PAX5: variants seen among roughly 807,000 people sequenced by gnomAD.
PAX5 encodes paired box protein Pax-5.
A neutral mutation model predicts 43.7 loss-of-function variants in PAX5; 9 were observed. That is an observed-to-expected ratio of 0.21 (90% CI 0.12 to 0.36). The LOEUF is 0.36. PAX5 is among the 10% of genes least tolerant of loss of function. PAX5 has a pLI of 1.00. For synonymous variants in PAX5, 228 were observed against 214.3 expected (o/e 1.06, Z -0.56); for missense variants, 383 against 532.7 (o/e 0.72, Z 2.77).
chr9:37,021,483 A>C (rs1028882524), intron 1 of PAX5, among the ~76,000 whole-genome samples: 10 of 152,216 alleles, frequency 6.6e-5, no homozygotes, highest in Non-Finnish European at 1.5e-4. Flanking sequence ...TACACACAGC[A>C]CATTCCACTC....
Position 36,833,861 on chromosome 9 carries a change from ATTTTTTTGTATTTT to A in PAX5, c.*6685_*6698del, listed in dbSNP as rs1423940000. ...TGGTTTTTGTTGTTGGTTTTTTTGT[ATTTTTTTGTATTTT>A]TTTTTTTTTACAAGTAAGCGTCTAT... On this transcript the variant is annotated 3_prime_UTR_variant, in exon 10 of 10. Transcript: ENST00000358127. 5.7e-6 allele frequency: 1 copy of A among 174,186 alleles called. No individual in the cohort carries two copies. Among genetic ancestry groups the A allele is most frequent in the Non-Finnish European group, 1.0e-5 (1 of 96,126 alleles). The allele number at this position is 174,186 out of a possible 1,614,324, so 10.8% of individuals were successfully genotyped here.
Position 36,840,448 on chromosome 9 carries a change from G to C in PAX5, c.*112C>G. 9.6e-7 allele frequency: 1 copy of C among 1,037,798 alleles called. No homozygotes were observed. The highest frequency in any genetic ancestry group is 1.4e-6 in the Non-Finnish European group (1 of 689,662). The allele number at this position is 1,037,798 out of a possible 1,614,324, so 64.3% of individuals were successfully genotyped here. On this transcript the variant is annotated 3_prime_UTR_variant, in exon 10 of 10. Transcript: ENST00000358127. ...AGGAAGAGGGGAGCTTCAGGCAAGT[G>C]GGGGATGCTGGGGGACGGTCTCATG...
At chr9:36,990,045 G>A (rs1445750249) in intron 5 of PAX5, among the ~76,000 whole-genome samples, 1 of 152,162 alleles carries the variant, frequency 6.6e-6, no homozygotes, top group African/African-American at 2.4e-5. Flanking sequence ...CCTCACTTAG[G>A]AAGTGACACA....
At chr9:37,021,659 C>T (rs368565683) in intron 1 of PAX5, among the ~76,000 whole-genome samples, 18 of 152,244 alleles carry the variant, frequency 1.2e-4, no homozygotes, top group Middle Eastern at 3.4e-3. Context: ...AAAAGGAGCC[C>T]GAGAAAGTGC....
chr9:37,029,127 T>G (rs1467014526), intron 1 of PAX5, among the ~76,000 whole-genome samples: 1 of 152,150 alleles, frequency 6.6e-6, no homozygotes, highest in Non-Finnish European at 1.5e-5. Flanking sequence ...TAAACATAAA[T>G]CCACAAAACA....
rs781448749 is a variant in PAX5, at chr9:36,835,650, C to G, written c.*4910G>C. On this transcript the variant is annotated 3_prime_UTR_variant, in exon 10 of 10. Transcript: ENST00000358127. ...AACTTTCCAATAATGCATTTTATTA[C>G]CTTTTAAGAAATGTACTTGCCTCGG... 3.4e-5 allele frequency: 8 copies of G among 233,156 alleles called. No individual in the cohort carries two copies. Among genetic ancestry groups the G allele is most frequent in the Non-Finnish European group, 6.8e-5 (8 of 118,028 alleles). The allele number at this position is 233,156 out of a possible 1,614,324, so 14.4% of individuals were successfully genotyped here. A position where few individuals can be genotyped will look rare whatever the true frequency, so the allele number is the denominator to read the frequency against.
intron 1 of PAX5, among the ~76,000 whole-genome samples, chr9:37,024,442 G>A (rs1396215485): frequency 1.3e-5 from 2 of 152,190 alleles, no homozygotes; most frequent in Non-Finnish European, 2.9e-5. Context: ...AGGTGACGAA[G>A]TGGGACTTGA....
At chr9:36,991,182 A>T (rs949667849) in intron 5 of PAX5, among the ~76,000 whole-genome samples, 19 of 152,282 alleles carry the variant, frequency 1.2e-4, no homozygotes, top group African/African-American at 3.9e-4. Context: ...AGCACCAAAA[A>T]GATTTCAAAA....
At chr9:36,940,863 C>T (rs753851500) in intron 6 of PAX5, among the ~76,000 whole-genome samples, 10 of 152,004 alleles carry the variant, frequency 6.6e-5, no homozygotes, top group South Asian at 2.1e-4. Flanking sequence ...GGCAGGTACT[C>T]GGAAAATATC....
chr9:36,966,706 A>G lies in PAX5; in HGVS notation c.623T>C (p.Val208Ala). The change falls in exon 6 of 10, where the codon GTG (valine) becomes GCG (alanine). Residue 208 changes from valine (V) to alanine (A), a missense_variant. Around this residue, in one of 5 missense-constraint regions of PAX5, gnomAD observed 291 missense variants for 342.5 expected, o/e 0.85. Transcript: ENST00000358127. ...KRDEGIQESP[V>A]PNGHSLPGRD... The stretch of plus-strand genomic sequence containing the variant: ...GCCCGGAAGCGAGTGGCCGTTCGGC[A>G]CCGGAGACTCCTGAATACCTTTGAT... 6.2e-7 allele frequency: 1 copy of G among 1,614,160 alleles called. No individual in the cohort carries two copies. Among genetic ancestry groups the G allele is most frequent in the Non-Finnish European group, 8.5e-7 (1 of 1,180,026 alleles).
In PAX5 at chr9:36,882,044, C is replaced by T; in HGVS notation, c.972G>A (p.Gln324=). The change falls in exon 8 of 10, where the codon CAG becomes CAA. Residue 324 remains glutamine (Q), a synonymous_variant. Coordinates refer to ENST00000358127, the MANE Select transcript of PAX5 (RefSeq NM_016734.3). This position sits in a 1 kb window ranked among gnomAD's most constrained non-coding sequence, Gnocchi z 4.4. ...GYPPHVPPAG[Q]GSYSAPTLTG... ...TCAGCGTCGGTGCTGAGTAGCTGCC[C>T]TGTCCAGCGGGGGGGACGTGTGGAG... is the stretch of plus-strand genomic sequence containing the variant. 1 of 1,613,134 alleles carries T rather than the reference C, an allele frequency of 6.2e-7. No homozygotes were observed. The highest frequency in any genetic ancestry group is 8.5e-7 in the Non-Finnish European group (1 of 1,179,438).
intron 1 of PAX5, among the ~76,000 whole-genome samples, chr9:37,029,161 G>A (rs549324941): frequency 6.6e-6 from 1 of 152,332 alleles, no homozygotes; most frequent in Non-Finnish European, 1.5e-5. Context: ...GCCTGCTCCA[G>A]GACTGGGCTT....
At chr9:37,032,767 A>G (rs1413480186) in intron 1 of PAX5, among the ~76,000 whole-genome samples, 1 of 152,206 alleles carries the variant, frequency 6.6e-6, no homozygotes, top group Non-Finnish European at 1.5e-5. Context: ...CCCATACCTG[A>G]TTCATGCCTC....
chr9:36,895,827 G>A (rs1165995620), intron 7 of PAX5, among the ~76,000 whole-genome samples: 1 of 152,192 alleles, frequency 6.6e-6, no homozygotes, highest in African/African-American at 2.4e-5. Flanking sequence ...AGCCCCTCCT[G>A]GGGCTCAAAT....
intron 8 of PAX5, among the ~76,000 whole-genome samples, chr9:36,859,917 C>T (rs1268309544): frequency 6.6e-6 from 1 of 152,022 alleles, no homozygotes. Flanking sequence ...CACCTGTAGT[C>T]CCAGCTACTC....
intron 8 of PAX5, among the ~76,000 whole-genome samples, chr9:36,849,605 T>C (rs79945590): frequency 0.012 from 1,837 of 152,332 alleles, 33 homozygotes; most frequent in African/African-American, 0.042. Context: ...TCTCACGGCC[T>C]CCGTTATTAG....
At chr9:36,863,837 G>A (rs530188780) in intron 8 of PAX5, among the ~76,000 whole-genome samples, 4 of 152,298 alleles carry the variant, frequency 2.6e-5, no homozygotes, top group East Asian at 1.9e-4. Flanking sequence ...GGGGCCGGGC[G>A]CAGTGGCTCA....
chr9:36,868,521 T>C (rs1209108959), intron 8 of PAX5, among the ~76,000 whole-genome samples: 1 of 152,018 alleles, frequency 6.6e-6, no homozygotes, highest in Non-Finnish European at 1.5e-5. Flanking sequence ...TCTAGGAACA[T>C]GTGTCAAACA....
chr9:36,980,442 G>A (rs893577178), intron 5 of PAX5, among the ~76,000 whole-genome samples: 10 of 152,186 alleles, frequency 6.6e-5, no homozygotes, highest in African/African-American at 2.4e-4. Context: ...TAAGGGTTGG[G>A]GGAGGGGCTT....
Sources: gnomAD v4.1 joint callset for allele counts (sites outside exome capture counted in the v4.1 genomes callset) on GRCh38, gnomAD v4.1.1 for gene constraint, gnomAD v4.1.1 regional missense constraint, Gnocchi (gnomAD v3.1) non-coding constraint, MANE v1.5 for transcripts, NCBI Gene and HGNC (gene_info 2026-07-23, HGNC 2026-07-21) for gene names.